The following UBE2E2 variants were observed in gnomAD, a reference collection of about 807,000 sequenced individuals.
UBE2E2 encodes the protein ubiquitin-conjugating enzyme E2 E2.
A neutral mutation model predicts 24.7 loss-of-function variants in UBE2E2; 6 were observed. That is an observed-to-expected ratio of 0.24 (90% CI 0.13 to 0.48). The LOEUF (loss-of-function observed/expected upper bound fraction) is 0.48, where lower values mean the gene tolerates loss of function less well. UBE2E2 is among the 20% of genes least tolerant of loss of function. UBE2E2 has a pLI of 0.99. For missense variants in UBE2E2, 169 were observed against 245.0 expected (o/e 0.69, Z 2.07); for synonymous variants, 104 against 83.6 (o/e 1.24, Z -1.33).
chr3:23,323,661 A>G, intron 3 of UBE2E2: 1 of 339,882 alleles, frequency 2.9e-6, no homozygotes, highest in Middle Eastern at 5.3e-4. Context: ...AGCATTTCAG[A>G]TAAGGGCTAT....
At chr3:23,435,147 T>G (rs1437224201) in intron 3 of UBE2E2, among the ~76,000 whole-genome samples, 6 of 152,226 alleles carry the variant, frequency 3.9e-5, no homozygotes, top group Admixed American at 3.9e-4. Flanking sequence ...ACCTATTGTT[T>G]CAAACTCTAT....
intron 3 of UBE2E2, among the ~76,000 whole-genome samples, chr3:23,228,517 C>A (rs897384060): frequency 2.6e-5 from 4 of 152,064 alleles, no homozygotes; most frequent in African/African-American, 9.7e-5. Flanking sequence ...TTTCATGTAT[C>A]CAAATTTCTT....
At chr3:23,338,299 G>A (rs1465746530) in intron 3 of UBE2E2, among the ~76,000 whole-genome samples, 1 of 151,972 alleles carries the variant, frequency 6.6e-6, no homozygotes, top group Non-Finnish European at 1.5e-5. Flanking sequence ...AATATGTGGT[G>A]GATATTAAGA....
At chr3:23,387,802 G>A (rs1696837041) in intron 3 of UBE2E2, among the ~76,000 whole-genome samples, 1 of 152,156 alleles carries the variant, frequency 6.6e-6, no homozygotes, top group Non-Finnish European at 1.5e-5. Context: ...TACCCTCATT[G>A]TCTCTGGCGA....
chr3:23,207,298 A>G (rs1055611304), intron 1 of UBE2E2, among the ~76,000 whole-genome samples: 2 of 152,208 alleles, frequency 1.3e-5, no homozygotes, highest in Admixed American at 6.5e-5. Flanking sequence ...TCTGCTGTCT[A>G]GATTATAACA....
intron 3 of UBE2E2, among the ~76,000 whole-genome samples, chr3:23,234,606 A>G (rs1697057611): frequency 6.6e-6 from 1 of 152,230 alleles, no homozygotes; most frequent in Non-Finnish European, 1.5e-5. Flanking sequence ...TAAGTTAGAT[A>G]CAGTGGGGGT....
intron 3 of UBE2E2, among the ~76,000 whole-genome samples, chr3:23,252,686 G>T (rs1278527678): frequency 6.6e-6 from 1 of 152,022 alleles, no homozygotes; most frequent in African/African-American, 2.4e-5. Context: ...TAGTAGAGAC[G>T]AGGTTTCACC....
chr3:23,390,791 A>C (rs1261138558), intron 3 of UBE2E2, among the ~76,000 whole-genome samples: 1 of 152,214 alleles, frequency 6.6e-6, no homozygotes, highest in East Asian at 1.9e-4. Flanking sequence ...CCCTGTTGCA[A>C]GTCCCACAAA....
intron 3 of UBE2E2, among the ~76,000 whole-genome samples, chr3:23,392,466 A>T (rs1202457716): frequency 2.0e-5 from 3 of 152,054 alleles, no homozygotes; most frequent in Non-Finnish European, 4.4e-5. Flanking sequence ...TGAACTGTTG[A>T]ACCTCTTTAT....
intron 3 of UBE2E2, among the ~76,000 whole-genome samples, chr3:23,282,304 T>G (rs1015711104): frequency 2.0e-5 from 3 of 152,242 alleles, no homozygotes; most frequent in African/African-American, 7.2e-5. Flanking sequence ...GGATGAATGT[T>G]TATTATTAAT....
At chr3:23,499,364 G>A (rs1699670992) in intron 3 of UBE2E2, among the ~76,000 whole-genome samples, 1 of 152,186 alleles carries the variant, frequency 6.6e-6, no homozygotes, top group Admixed American at 6.5e-5. Flanking sequence ...TTGGACTCTT[G>A]TTCCATAGGC....
intron 1 of UBE2E2, among the ~76,000 whole-genome samples, chr3:23,206,986 TAA>T (rs1460478848): frequency 6.6e-6 from 1 of 152,236 alleles, no homozygotes; most frequent in Non-Finnish European, 1.5e-5. Context: ...CTATAATTTT[TAA>T]AGATATATTT....
At chr3:23,570,401 G>A (rs1696193584) in intron 5 of UBE2E2, among the ~76,000 whole-genome samples, 1 of 152,096 alleles carries the variant, frequency 6.6e-6, no homozygotes, top group Admixed American at 6.6e-5. Context: ...GCCCAGCCCA[G>A]CCCATTTCCC....
At chr3:23,465,097 T>C (rs1698894390) in intron 3 of UBE2E2, among the ~76,000 whole-genome samples, 1 of 152,234 alleles carries the variant, frequency 6.6e-6, no homozygotes, top group Admixed American at 6.5e-5. Context: ...TGACTTCTTA[T>C]TGTTATTTTA....
At chr3:23,527,623 T>A (rs1481976612) in intron 4 of UBE2E2, among the ~76,000 whole-genome samples, 3 of 152,116 alleles carry the variant, frequency 2.0e-5, no homozygotes, top group Non-Finnish European at 2.9e-5. Flanking sequence ...TCAGCCCCTT[T>A]CCCCTATAAC....
intron 3 of UBE2E2, among the ~76,000 whole-genome samples, chr3:23,397,639 A>G (rs138261157): frequency 0.029 from 4,342 of 152,232 alleles, 94 homozygotes; most frequent in Non-Finnish European, 0.041. Context: ...TACCGTCTAC[A>G]TTTTGGTGTC....
chr3:23,236,628 A>G (rs1016179639), intron 3 of UBE2E2, among the ~76,000 whole-genome samples: 1 of 152,014 alleles, frequency 6.6e-6, no homozygotes, highest in African/African-American at 2.4e-5. Context: ...TCTAGCTCCC[A>G]TCTCTGGAAC....
At chr3:23,392,478 T>C (rs1696961719) in intron 3 of UBE2E2, among the ~76,000 whole-genome samples, 2 of 152,016 alleles carry the variant, frequency 1.3e-5, no homozygotes, top group Admixed American at 1.3e-4. Flanking sequence ...CCTCTTTATT[T>C]CTCAGTTTCC....
intron 5 of UBE2E2, among the ~76,000 whole-genome samples, chr3:23,544,013 T>A (rs1417705951): frequency 6.6e-6 from 1 of 152,156 alleles, no homozygotes; most frequent in Non-Finnish European, 1.5e-5. Flanking sequence ...AAGCCACATG[T>A]AGAAGAATGA....
Sources: allele counts gnomAD v4.1 joint callset (sites outside exome capture counted in the v4.1 genomes callset), GRCh38; gene constraint gnomAD v4.1.1; transcripts MANE v1.5; gene names NCBI Gene and HGNC (gene_info 2026-07-23, HGNC 2026-07-21).